SUSD6: variants seen among roughly 807,000 people sequenced by gnomAD.
SUSD6 encodes the protein sushi domain-containing protein 6.
A neutral mutation model predicts 28.4 loss-of-function variants in SUSD6; 16 were observed. That is an observed-to-expected ratio of 0.56 (90% CI 0.38 to 0.86). The LOEUF (loss-of-function observed/expected upper bound fraction) is 0.86, where lower values mean the gene tolerates loss of function less well. Ranked by LOEUF, SUSD6 falls within the 40% of genes least tolerant of loss-of-function variation. The pLI is 0.00. For missense variants in SUSD6, 341 were observed against 384.2 expected (o/e 0.89, Z 0.94); for synonymous variants, 147 against 159.6 (o/e 0.92, Z 0.59).
intron 2 of SUSD6, among the ~76,000 whole-genome samples, chr14:69,691,418 A>G (rs1331325119): frequency 6.6e-6 from 1 of 152,122 alleles, no homozygotes; most frequent in Non-Finnish European, 1.5e-5. Context: ...TCAAAGACCT[A>G]TGGTGTTTTG....
chr14:69,639,968 T>TTG (rs1555343354), intron 1 of SUSD6, among the ~76,000 whole-genome samples: 6 of 148,148 alleles, frequency 4.1e-5, no homozygotes, highest in South Asian at 2.2e-4. Flanking sequence ...TTTTTTTTTT[T>TTG]TTTTTTTTTT....
At chr14:69,663,305 C>CATGT (rs1885689819) in intron 2 of SUSD6, among the ~76,000 whole-genome samples, 2 of 152,200 alleles carry the variant, frequency 1.3e-5, no homozygotes, top group Admixed American at 1.3e-4. Context: ...ACATGTTAGG[C>CATGT]CGTGTTAAAC....
At chr14:69,699,483 C>T (rs1023824419) in intron 2 of SUSD6, among the ~76,000 whole-genome samples, 6 of 151,796 alleles carry the variant, frequency 4.0e-5, no homozygotes, top group Non-Finnish European at 7.4e-5. Context: ...GGATTGTAGG[C>T]GTGAGCCACT....
Position 69,711,121 on chromosome 14 carries a change from C to A in SUSD6, c.*142C>A. 2.7e-6 allele frequency: 2 copies of A among 752,956 alleles called. No homozygotes were observed. Among genetic ancestry groups the A allele is most frequent in the South Asian group, 3.3e-5 (2 of 61,338 alleles). The allele number at this position is 752,956 out of a possible 1,614,324, so 46.6% of individuals were successfully genotyped here. On this transcript the variant is annotated 3_prime_UTR_variant, in exon 6 of 6. Coordinates refer to ENST00000342745, the MANE Select transcript of SUSD6 (RefSeq NM_014734.4). ...TGTGTATCTGTGTATCTCTGAGGGC[C>A]CTATAGGCCCACCTTGCTGGAAACT...
At chr14:69,667,781 T>C (rs1885766829) in intron 2 of SUSD6, among the ~76,000 whole-genome samples, 1 of 152,188 alleles carries the variant, frequency 6.6e-6, no homozygotes, top group Admixed American at 6.5e-5. Flanking sequence ...CTCTCTGAGC[T>C]TTGATATCTG....
chr14:69,628,861 T>C (rs57105079), intron 1 of SUSD6, among the ~76,000 whole-genome samples: 3,212 of 151,368 alleles, frequency 0.021, 111 homozygotes, highest in African/African-American at 0.074. Context: ...CACATACCAC[T>C]ACACCCAGCT....
chr14:69,701,574 T>C (rs1886313401), intron 2 of SUSD6, among the ~76,000 whole-genome samples: 1 of 152,214 alleles, frequency 6.6e-6, no homozygotes, highest in South Asian at 2.1e-4. Context: ...GAAATCTAGC[T>C]GGCCAGCGCT....
chr14:69,656,659 CCAGGCACTTTGT>C (rs67706300), intron 1 of SUSD6, among the ~76,000 whole-genome samples: 73,318 of 151,928 alleles, frequency 0.48, 20,228 homozygotes, highest in East Asian at 0.69. Flanking sequence ...AAGCACTTTG[CCAGGCACTTTGT>C]CTATCCTAAT....
At chr14:69,640,360 A>C (rs1044069774) in intron 1 of SUSD6, among the ~76,000 whole-genome samples, 3 of 152,004 alleles carry the variant, frequency 2.0e-5, no homozygotes, top group Non-Finnish European at 4.4e-5. Flanking sequence ...TGGAGACAAG[A>C]TCTTACTCTG....
At chr14:69,681,947 CAG>C (rs963098110) in intron 2 of SUSD6, among the ~76,000 whole-genome samples, 8 of 152,166 alleles carry the variant, frequency 5.3e-5, no homozygotes, top group African/African-American at 1.9e-4. Context: ...GGACATGCAT[CAG>C]AGAGAAGTTT....
chr14:69,710,842 T>C (rs928096166), intron 5 of SUSD6, 112 bp from the exon 6 acceptor site: 9 of 1,003,474 alleles, frequency 9.0e-6, no homozygotes, highest in Non-Finnish European at 1.4e-5. Context: ...GGACATTTAC[T>C]TTCTTTAAAT....
intron 2 of SUSD6, among the ~76,000 whole-genome samples, chr14:69,663,977 CT>C (rs560318014): frequency 0.018 from 2,538 of 139,930 alleles, 51 homozygotes; most frequent in African/African-American, 0.052. Flanking sequence ...ATGGTTGTTT[CT>C]TTTTTTTTTT....
intron 4 of SUSD6, among the ~76,000 whole-genome samples, chr14:69,704,994 C>T (rs114162439): frequency 1.2e-3 from 183 of 152,256 alleles, no homozygotes; most frequent in African/African-American, 4.2e-3. Flanking sequence ...GTTATTCACT[C>T]AGGGTTATAC....
rs533649363 is a variant in SUSD6, at chr14:69,680,783, GA to G, written c.121+22071del. Among the ~76,000 whole-genome samples, 390 of 152,278 alleles carry G rather than the reference GA, an allele frequency of 2.6e-3. 3 individuals are homozygous for G. Among genetic ancestry groups the G allele is most frequent in the Non-Finnish European group, 4.4e-3 (299 of 68,028 alleles). ...GTTGTTCCCCCTTTGTCTGCTGGGG[GA>G]GATCTTTTTTGTCTCTCAGACCCTA... On this transcript the variant is annotated intron_variant, in intron 2 of 5. Coordinates refer to ENST00000342745, the MANE Select transcript of SUSD6 (RefSeq NM_014734.4).
At chr14:69,705,518 T>G (rs1481755336) in intron 4 of SUSD6, among the ~76,000 whole-genome samples, 2 of 152,100 alleles carry the variant, frequency 1.3e-5, no homozygotes, top group African/African-American at 4.8e-5. Context: ...TGATGAACAC[T>G]TAAGTTTGTG....
chr14:69,639,956 G>GTTTTTTTTTTTTTT (rs11463756), intron 1 of SUSD6, among the ~76,000 whole-genome samples: 31 of 81,642 alleles, frequency 3.8e-4, no homozygotes, highest in South Asian at 1.2e-3. Flanking sequence ...CACCTACACT[G>GTTTTTTTTTTTTTT]TTTTTTTTTT....
At chr14:69,625,839 T>C (rs1299091279) in intron 1 of SUSD6, among the ~76,000 whole-genome samples, 2 of 152,168 alleles carry the variant, frequency 1.3e-5, no homozygotes, top group African/African-American at 4.8e-5. Flanking sequence ...TGTGAAACCA[T>C]CTCTGCTGCT....
chr14:69,700,798 T>C (rs1224360273), intron 2 of SUSD6, among the ~76,000 whole-genome samples: 1 of 152,224 alleles, frequency 6.6e-6, no homozygotes, highest in African/African-American at 2.4e-5. Flanking sequence ...TAGAAACTGG[T>C]GCAGTGACTC....
At chr14:69,634,252 A>G (rs1289815714) in intron 1 of SUSD6, among the ~76,000 whole-genome samples, 4 of 151,990 alleles carry the variant, frequency 2.6e-5, no homozygotes, top group Non-Finnish European at 4.4e-5. Context: ...CAGGGAATGA[A>G]CTCTTAGGAG....
Sources: gnomAD v4.1 joint callset for allele counts (sites outside exome capture counted in the v4.1 genomes callset) on GRCh38, gnomAD v4.1.1 for gene constraint, MANE v1.5 for transcripts, NCBI Gene and HGNC (gene_info 2026-07-23, HGNC 2026-07-21) for gene names.